Variants in THSD1 observed in about 807,000 individuals in gnomAD.
THSD1 encodes the protein thrombospondin type 1 domain containing 1, also known as thrombospondin type-1 domain-containing protein 1.
Under a neutral mutation model 46.3 loss-of-function variants are expected in THSD1, and 34 were observed. The observed-to-expected ratio is 0.74, with a 90% CI of 0.56 to 0.98. The LOEUF (loss-of-function observed/expected upper bound fraction) is 0.98, where lower values mean the gene tolerates loss of function less well. Ranked by LOEUF, THSD1 falls within the 50% of genes least tolerant of loss-of-function variation. The pLI, the probability that THSD1 is intolerant of heterozygous loss-of-function variation, is 0.00. For synonymous variants in THSD1, 407 were observed against 416.5 expected (o/e 0.98, Z 0.28); for missense variants, 1,023 against 1,058.3 (o/e 0.97, Z 0.46).
intron 4 of THSD1, among the ~76,000 whole-genome samples, chr13:52,385,217 T>C (rs1957721888): frequency 6.6e-6 from 1 of 152,156 alleles, no homozygotes; most frequent in Admixed American, 6.5e-5. Context: ...GATAAAATCC[T>C]TGACACAAGG....
chr13:52,396,737 C>G (rs1412396997), intron 3 of THSD1, among the ~76,000 whole-genome samples: 1 of 152,106 alleles, frequency 6.6e-6, no homozygotes, highest in Non-Finnish European at 1.5e-5. Context: ...TTTTAGAACT[C>G]TTGCTTTGAT....
rs138631045 is a variant in THSD1 at position 52,401,177 on chromosome 13, G to T, written c.58+1366C>A. On this transcript the variant is annotated intron_variant, in intron 2 of 4. Coordinates refer to ENST00000258613, the MANE Select transcript of THSD1 (RefSeq NM_018676.4). ...TTTAGTAGAAACGGGGTTTCACCAT[G>T]TTGGCCAGGATGGTCTCAATCTCTT... Among the ~76,000 whole-genome samples, 1,053 of 152,272 alleles carry T rather than the reference G, an allele frequency of 6.9e-3. 14 individuals are homozygous for T. Among genetic ancestry groups the T allele is most frequent in the African/African-American group, 0.023 (949 of 41,550 alleles).
At chr13:52,403,902 A>T (rs868540165) in intron 1 of THSD1, among the ~76,000 whole-genome samples, 237 of 143,944 alleles carry the variant, frequency 1.6e-3, no homozygotes, top group African/African-American at 6.0e-3. Flanking sequence ...CCAAATATGT[A>T]CTTTCTTAAT....
chr13:52,397,195 A>AT, intron 3 of THSD1, 37 bp downstream of exon 3: 1 of 1,486,244 alleles, frequency 6.7e-7, no homozygotes, highest in South Asian at 1.3e-5. Context: ...TACATGAAGG[A>AT]TTTGATTTAA....
chr13:52,402,864 A>G, intron 1 of THSD1, 183 bp from the exon 2 acceptor site: 1 of 984,734 alleles, frequency 1.0e-6, no homozygotes, highest in Non-Finnish European at 1.2e-6. Context: ...TCATTCCATT[A>G]TAACTCACAG....
intron 3 of THSD1, among the ~76,000 whole-genome samples, chr13:52,392,873 G>C (rs533864344): frequency 2.0e-5 from 3 of 152,324 alleles, no homozygotes; most frequent in Admixed American, 2.0e-4. Flanking sequence ...CATAGACAAG[G>C]CTTCCTTATA....
intron 3 of THSD1, among the ~76,000 whole-genome samples, chr13:52,388,387 G>A (rs1957749259): frequency 6.6e-6 from 1 of 152,064 alleles, no homozygotes; most frequent in Non-Finnish European, 1.5e-5. Flanking sequence ...GCCAGCAATG[G>A]TATATATAAA....
rs1489923455 is a variant in THSD1 at position 52,397,379 on chromosome 13, T to C, written c.874A>G (p.Asn292Asp). Residue 292 changes from asparagine to aspartate, a missense_variant, in exon 3 of 5, where the codon AAC (asparagine) becomes GAC (aspartate). By Grantham distance (23) the Asn-to-Asp change is conservative. Around this residue, in one of 3 missense-constraint regions of THSD1, gnomAD observed 429 missense variants for 518.3 expected, o/e 0.83. Transcript: ENST00000258613. ...CTCCTCTCTCCCAGGGGCAGGCTGTTTTCAGCCAAGTGAATGGTCCTCTTC... is the reference window on the plus strand; with the variant it reads ...CTCCTCTCTCCCAGGGGCAGGCTGTCTTCAGCCAAGTGAATGGTCCTCTTC... Reference protein sequence around the residue: ...PGKRTIHLAENSLPLGERRTI... With the variant: ...PGKRTIHLAEDSLPLGERRTI... 1.9e-6 allele frequency: 3 copies of C among 1,614,140 alleles called. No homozygotes were observed. The highest frequency in any genetic ancestry group is 1.7e-6 in the Non-Finnish European group (2 of 1,180,016).
chr13:52,402,790 A>G, intron 1 of THSD1, 109 bp from the exon 2 acceptor site: 1 of 1,384,142 alleles, frequency 7.2e-7, no homozygotes, highest in Non-Finnish European at 9.4e-7. Flanking sequence ...AGTGATATTG[A>G]AAGGAAACTA....
intron 4 of THSD1, 73 bp from the exon 5 acceptor site, chr13:52,378,862 TC>T (rs374172415): frequency 1.3e-5 from 18 of 1,354,768 alleles, no homozygotes; most frequent in Admixed American, 5.8e-5. Flanking sequence ...CTTTTTCTTT[TC>T]TTTTTTTTTT....
chr13:52,397,091 G>C, intron 3 of THSD1, 141 bp downstream of exon 3: 2 of 731,906 alleles, frequency 2.7e-6, no homozygotes, highest in Non-Finnish European at 4.3e-6. Flanking sequence ...TTCAGCTAAG[G>C]GTGATAATGC....
rs67802176 is a variant in THSD1 at position 52,403,938 on chromosome 13, A to ATTT, written c.-81-1260_-81-1258dup. ...GTTTAAGGTCCCCCCCATTATTCAC[A>ATTT]TTTTTTTTTTTTTTTTTTTTTTTTT... is the stretch of plus-strand genomic sequence containing the variant. On this transcript the variant is annotated intron_variant, in intron 1 of 4. Transcript: ENST00000258613. Among the ~76,000 whole-genome samples the ATTT allele has an allele frequency of 1.0e-3, 64 of 63,920 alleles. 4 individuals are homozygous for ATTT. Among genetic ancestry groups the ATTT allele is most frequent in the African/African-American group, 3.8e-3 (48 of 12,790 alleles). 41.9% of individuals were successfully genotyped at this position (63,920 alleles called of 152,430 possible). A position where few individuals can be genotyped will look rare whatever the true frequency, so the allele number is the denominator to read the frequency against.
rs749440537 is a variant in THSD1 at position 52,397,211 on chromosome 13, TA to T, written c.1021+20del. ...ACATGAAGGATTTGATTTAAAATGT[TA>T]AAAAAATCTCAATACAAACCTGTAT... On this transcript the variant is annotated intron_variant, in intron 3 of 4. Transcript: ENST00000258613. The T allele has an allele frequency of 1.3e-6, 2 of 1,517,840 alleles. No individual in the cohort carries two copies. The highest frequency in any genetic ancestry group is 1.4e-5 in the African/African-American group (1 of 71,664). 94.0% of individuals were successfully genotyped at this position (1,517,840 alleles called of 1,614,324 possible). A position where few individuals can be genotyped will look rare whatever the true frequency, so the allele number is the denominator to read the frequency against.
chr13:52,397,255 C>T lies in THSD1; in HGVS notation c.998G>A (p.Cys333Tyr), dbSNP rs1957818764. Residue 333 changes from cysteine to tyrosine, a missense_variant, in exon 3 of 5, where the codon TGC becomes TAC. Coordinates refer to ENST00000258613, the MANE Select transcript of THSD1 (RefSeq NM_018676.4). ...ACCTGTATTTCTCTGAATTAGCATG[C>T]ACTCCTCCTTTGCAGAAAAATGGCT... ...SRSHFSAKEE[C>Y]MLIQRNTETW... 3 of 1,603,988 alleles carry T rather than the reference C, an allele frequency of 1.9e-6. No homozygotes were observed. In the East Asian group the frequency reaches 6.7e-5, roughly 36 times the overall value.
chr13:52,391,104 A>G (rs1957769728), intron 3 of THSD1, among the ~76,000 whole-genome samples: 1 of 152,136 alleles, frequency 6.6e-6, no homozygotes, highest in Non-Finnish European at 1.5e-5. Context: ...AGAAGTTTTC[A>G]TCCATAAAGA....
At chr13:52,393,071 G>A (rs1957784988) in intron 3 of THSD1, among the ~76,000 whole-genome samples, 1 of 152,030 alleles carries the variant, frequency 6.6e-6, no homozygotes, top group Non-Finnish European at 1.5e-5. Flanking sequence ...GGCAGTTACA[G>A]AATAGTGGTC....
At chr13:52,393,486 C>G (rs771400311) in intron 3 of THSD1, among the ~76,000 whole-genome samples, 1 of 151,984 alleles carries the variant, frequency 6.6e-6, no homozygotes, top group East Asian at 1.9e-4. Context: ...GGTGAAACCC[C>G]GTCTCTACTA....
chr13:52,384,996 C>A (rs150784859), intron 4 of THSD1, among the ~76,000 whole-genome samples: 150 of 152,030 alleles, frequency 9.9e-4, no homozygotes, highest in African/African-American at 3.4e-3. Context: ...GGGAACAGAG[C>A]CTATGATACT....
chr13:52,387,717 G>A (rs117335921), intron 3 of THSD1, among the ~76,000 whole-genome samples: 1 of 152,238 alleles, frequency 6.6e-6, no homozygotes, highest in East Asian at 1.9e-4. Context: ...ACACACAGCT[G>A]AGGAAAGAAA....
Sources: allele counts gnomAD v4.1 joint callset (sites outside exome capture counted in the v4.1 genomes callset), GRCh38; gene constraint gnomAD v4.1.1; regional missense constraint gnomAD v4.1.1; transcripts MANE v1.5; gene names NCBI Gene and HGNC (gene_info 2026-07-23, HGNC 2026-07-21).